The following UGT1A7 variants were observed in gnomAD, a reference collection of about 807,000 sequenced individuals.
UGT1A7 encodes UDP-glucuronosyltransferase 1A7.
Under a neutral mutation model 45.6 loss-of-function variants are expected in UGT1A7, and 33 were observed. The observed-to-expected ratio is 0.72, with a 90% CI of 0.55 to 0.97. The LOEUF (loss-of-function observed/expected upper bound fraction) is 0.97, where lower values mean the gene tolerates loss of function less well. Among genes scored for constraint, UGT1A7 ranks in the 50% least tolerant of loss-of-function variants. The probability of loss-of-function intolerance (pLI) is 0.00; values close to 1 mark genes in which losing one functional copy is unlikely to be tolerated. For missense variants in UGT1A7, 684 were observed against 666.2 expected (o/e 1.03, Z -0.29); for synonymous variants, 274 against 250.6 (o/e 1.09, Z -0.88).
chr2:233,767,309 T>A, intron 2 of UGT1A7, 144 bp downstream of exon 2: 2 of 1,517,866 alleles, frequency 1.3e-6, no homozygotes, highest in Non-Finnish European at 8.7e-7. Context: ...CCAAAGGTTT[T>A]TTTTGTTGTT....
intron 1 of UGT1A7, 77 bp from the exon 2 acceptor site, chr2:233,766,957 C>A: frequency 6.2e-7 from 1 of 1,604,766 alleles, no homozygotes; most frequent in East Asian, 2.2e-5. Context: ...AGGAAGATAT[C>A]TAATTCATAA....
At chr2:233,711,213 G>A (rs1397680313) in intron 1 of UGT1A7, among the ~76,000 whole-genome samples, 2 of 152,238 alleles carry the variant, frequency 1.3e-5, no homozygotes, top group African/African-American at 4.8e-5. Flanking sequence ...TCTCCCCAGT[G>A]CTCCCATGTC....
At chr2:233,743,654 T>C in intron 1 of UGT1A7, 1 of 1,367,284 alleles carries the variant, frequency 7.3e-7, no homozygotes, top group Non-Finnish European at 9.8e-7. Context: ...GAAGACGTAC[T>C]CGAAGGGGTC....
chr2:233,713,501 G>T (rs771192795), intron 1 of UGT1A7: 2 of 1,613,952 alleles, frequency 1.2e-6, no homozygotes, highest in African/African-American at 2.7e-5. Flanking sequence ...TTCCTGCTGT[G>T]TTTTTCTTGA....
At position 233,761,028 on chromosome 2, in the gene UGT1A7, A is replaced by G. The variant is rs1400753834; in HGVS notation, c.856-6006A>G. The G allele has an allele frequency of 9.3e-6, 15 of 1,614,144 alleles. No individual in the cohort carries two copies. Among genetic ancestry groups the G allele is most frequent in the Non-Finnish European group, 1.3e-5 (15 of 1,180,012 alleles). Reference sequence around the variant, plus strand: ...AGAGAGAGGTGACTGTCCAGGACCTATTGAGCTCTGCATCTGTCTGGCTGT... The same window carrying G: ...AGAGAGAGGTGACTGTCCAGGACCTGTTGAGCTCTGCATCTGTCTGGCTGT... On this transcript the variant is annotated intron_variant, in intron 1 of 4. Transcript: ENST00000373426.
chr2:233,730,512 T>C (rs1468182310), intron 1 of UGT1A7, among the ~76,000 whole-genome samples: 3 of 152,116 alleles, frequency 2.0e-5, no homozygotes, highest in Non-Finnish European at 4.4e-5. Flanking sequence ...GTTGACTCAG[T>C]GGAAGTGGGG....
chr2:233,699,260 A>G (rs1470391564), intron 1 of UGT1A7, among the ~76,000 whole-genome samples: 2 of 151,766 alleles, frequency 1.3e-5, no homozygotes, highest in African/African-American at 4.8e-5. Flanking sequence ...TCCTCTTCCT[A>G]TAGGGGCTTG....
At position 233,681,921 on chromosome 2, in the gene UGT1A7, T is replaced by C. The variant is rs753348278; in HGVS notation, c.-17T>C. 26 of 1,605,958 alleles carry C rather than the reference T, an allele frequency of 1.6e-5. No individual in the cohort carries two copies. The highest frequency in any genetic ancestry group is 1.8e-5 in the Non-Finnish European group (21 of 1,175,938). ...AGCTTAGAATCCCAGCTGCTGGCTCTGGGCTGAAGTTCTCTGATGGCTCGT... is the reference window on the plus strand; with the variant it reads ...AGCTTAGAATCCCAGCTGCTGGCTCCGGGCTGAAGTTCTCTGATGGCTCGT... On this transcript the variant is annotated 5_prime_UTR_variant, in exon 1 of 5. Transcript: ENST00000373426.
chr2:233,757,312 G>A (rs1288195448), intron 1 of UGT1A7, among the ~76,000 whole-genome samples: 1 of 141,206 alleles, frequency 7.1e-6, no homozygotes, highest in Non-Finnish European at 1.5e-5. Context: ...GGACAGGGGG[G>A]CTGGGGCCCT....
chr2:233,721,491 G>A (rs1273108761), intron 1 of UGT1A7: 2 of 174,316 alleles, frequency 1.1e-5, no homozygotes, highest in East Asian at 1.8e-4. Flanking sequence ...TATTATTTTA[G>A]TTTAATTGCA....
chr2:233,753,155 C>G (rs1695142736), intron 1 of UGT1A7: 2 of 152,204 alleles, frequency 1.3e-5, no homozygotes, highest in South Asian at 4.1e-4. Context: ...TGTAAGTTCC[C>G]TTATCCGGAT....
At chr2:233,707,185 G>A (rs1175311171) in intron 1 of UGT1A7, among the ~76,000 whole-genome samples, 1 of 152,072 alleles carries the variant, frequency 6.6e-6, no homozygotes, top group African/African-American at 2.4e-5. Flanking sequence ...CTGGGTGCCT[G>A]CCCTCCGTTC....
intron 1 of UGT1A7, among the ~76,000 whole-genome samples, chr2:233,706,431 G>C (rs1375415239): frequency 6.6e-6 from 1 of 152,262 alleles, no homozygotes; most frequent in African/African-American, 2.4e-5. Context: ...TTCAGCCACA[G>C]ACTTGGTCAA....
At chr2:233,755,317 G>C (rs1457699650) in intron 1 of UGT1A7, 17 of 525,588 alleles carry the variant, frequency 3.2e-5, no homozygotes, top group Non-Finnish European at 5.3e-5. Context: ...CGAGCGGCAA[G>C]GCTGCCAGCA....
At chr2:233,732,108 C>T (rs1321461905) in intron 1 of UGT1A7, among the ~76,000 whole-genome samples, 1 of 150,998 alleles carries the variant, frequency 6.6e-6, no homozygotes, top group Non-Finnish European at 1.5e-5. Context: ...TGTTCATATC[C>T]TTTGCCCACT....
chr2:233,747,372 A>G (rs1321135438), intron 1 of UGT1A7: 1 of 1,604,206 alleles, frequency 6.2e-7, no homozygotes, highest in African/African-American at 1.3e-5. Flanking sequence ...GCTCCATGCC[A>G]GAGGCCACCA....
intron 1 of UGT1A7, among the ~76,000 whole-genome samples, chr2:233,723,589 G>T (rs2077103312): frequency 9.1e-6 from 1 of 109,944 alleles, no homozygotes; most frequent in Non-Finnish European, 1.8e-5. Context: ...GGGGGATTTG[G>T]CAGGGTCATG....
intron 1 of UGT1A7, among the ~76,000 whole-genome samples, chr2:233,764,916 G>T (rs906085592): frequency 6.6e-6 from 1 of 152,212 alleles, no homozygotes; most frequent in Non-Finnish European, 1.5e-5. Flanking sequence ...GAGGACTCAC[G>T]AGGGCCTGGG....
chr2:233,721,629 A>T (rs923769431), intron 1 of UGT1A7: 2 of 200,638 alleles, frequency 1.0e-5, no homozygotes, highest in East Asian at 1.5e-4. Context: ...ATCAGTAAAG[A>T]TCATCTTGAA....
Sources: gnomAD v4.1 joint callset for allele counts (sites outside exome capture counted in the v4.1 genomes callset) on GRCh38, gnomAD v4.1.1 for gene constraint, MANE v1.5 for transcripts, NCBI Gene and HGNC (gene_info 2026-07-23, HGNC 2026-07-21) for gene names.